FRMD4B: variants seen among roughly 807,000 people sequenced by gnomAD.
FRMD4B encodes FERM domain-containing protein 4B.
FRMD4B carries 74 observed loss-of-function variants against 141.5 expected under a neutral mutation model. That is an observed-to-expected ratio of 0.52 (90% CI 0.43 to 0.63). The LOEUF is 0.63. Ranked by LOEUF, FRMD4B falls within the 30% of genes least tolerant of loss-of-function variation. The pLI is 0.00. For synonymous variants in FRMD4B, 506 were observed against 467.9 expected, an observed-to-expected ratio of 1.08 and a Z score of -1.05; for missense variants, 1,366 against 1,253.4, an observed-to-expected ratio of 1.09 and a Z score of -1.36.
At chr3:69,403,925 G>GTCTC (rs1704609493) in intron 2 of FRMD4B, among the ~76,000 whole-genome samples, 1 of 151,046 alleles carries the variant, frequency 6.6e-6, no homozygotes, top group African/African-American at 2.5e-5. Flanking sequence ...TAGAGACAGG[G>GTCTC]TCTCTCTTGT....
chr3:69,173,953 A>G (rs1490949063), intron 22 of FRMD4B, among the ~76,000 whole-genome samples: 4 of 152,204 alleles, frequency 2.6e-5, no homozygotes, highest in Non-Finnish European at 5.9e-5. Flanking sequence ...CCTGGCCAAC[A>G]TGGCAAAACC....
intron 1 of FRMD4B, among the ~76,000 whole-genome samples, chr3:69,338,517 A>C (rs1481945696): frequency 6.6e-6 from 1 of 152,168 alleles, no homozygotes; most frequent in African/African-American, 2.4e-5. Flanking sequence ...AAAAAGTGAG[A>C]AAATGTCCTT....
At chr3:69,375,711 C>A (rs1329756472) in intron 1 of FRMD4B, among the ~76,000 whole-genome samples, 2 of 152,160 alleles carry the variant, frequency 1.3e-5, no homozygotes, top group African/African-American at 4.8e-5. Context: ...GTGTTAGAGT[C>A]AGCTAGCATG....
intron 5 of FRMD4B, among the ~76,000 whole-genome samples, chr3:69,274,058 G>C (rs900157572): frequency 1.3e-5 from 2 of 152,148 alleles, no homozygotes; most frequent in Non-Finnish European, 2.9e-5. Flanking sequence ...AAGGCATGGA[G>C]GCTTGAGAAA....
At chr3:69,439,226 A>G (rs1705307229) in intron 1 of FRMD4B, among the ~76,000 whole-genome samples, 1 of 152,218 alleles carries the variant, frequency 6.6e-6, no homozygotes, top group Non-Finnish European at 1.5e-5. Context: ...TGACTGAATT[A>G]CAGTTTAATT....
intron 7 of FRMD4B, among the ~76,000 whole-genome samples, chr3:69,237,502 A>T (rs1676276272): frequency 6.6e-6 from 1 of 152,212 alleles, no homozygotes. Context: ...TTGTTGGCCC[A>T]TCCTTCATCC....
chr3:69,525,645 TA>T (rs748929518), intron 1 of FRMD4B, among the ~76,000 whole-genome samples: 1 of 152,110 alleles, frequency 6.6e-6, no homozygotes, highest in Non-Finnish European at 1.5e-5. Flanking sequence ...ATATTGTCTC[TA>T]ATCTTTTTTT....
intron 7 of FRMD4B, among the ~76,000 whole-genome samples, chr3:69,242,667 T>G (rs2093394455): frequency 6.7e-6 from 1 of 150,240 alleles, no homozygotes; most frequent in Non-Finnish European, 1.5e-5. Flanking sequence ...CATAGTTACT[T>G]GGTAATTTTC....
intron 4 of FRMD4B, among the ~76,000 whole-genome samples, chr3:69,288,055 A>G (rs1366626225): frequency 6.6e-6 from 1 of 152,256 alleles, no homozygotes; most frequent in East Asian, 1.9e-4. Flanking sequence ...TGTGTCTTGG[A>G]AGGTGAGTTA....
chr3:69,324,654 G>GA (rs1206605353), intron 1 of FRMD4B, among the ~76,000 whole-genome samples: 1 of 151,958 alleles, frequency 6.6e-6, no homozygotes, highest in Non-Finnish European at 1.5e-5. Flanking sequence ...GAGGTGAGGA[G>GA]AAAAAAAGAA....
intron 11 of FRMD4B, among the ~76,000 whole-genome samples, chr3:69,204,555 T>G (rs2093003592): frequency 6.6e-6 from 1 of 152,210 alleles, no homozygotes; most frequent in Admixed American, 6.6e-5. Context: ...ATTGATTTAT[T>G]CTTTTTTCAT....
chr3:69,181,654 G>A lies in FRMD4B; in HGVS notation c.2096C>T (p.Ser699Phe). The A allele has an allele frequency of 6.2e-7, 1 of 1,613,540 alleles. No individual in the cohort carries two copies. ...RQRSGSLESQ[S>F]HLLSEMDSDK... ...GCTGTCCATCTCGGAGAGCAGGTGG[G>A]ACTGGGACTCCAGGCTTCCACTCCG... The change falls in exon 21 of 23, where the codon TCC (serine) becomes TTC (phenylalanine). Residue 699 changes from serine to phenylalanine, a missense_variant. Coordinates refer to ENST00000398540, the MANE Select transcript of FRMD4B (RefSeq NM_015123.3).
At chr3:69,521,796 C>T (rs747998498) in intron 1 of FRMD4B, among the ~76,000 whole-genome samples, 5 of 152,180 alleles carry the variant, frequency 3.3e-5, no homozygotes, top group African/African-American at 2.4e-5. Flanking sequence ...ATTCCCATGG[C>T]GGGGTCTTTC....
intron 1 of FRMD4B, among the ~76,000 whole-genome samples, chr3:69,490,461 C>A (rs1706283664): frequency 6.6e-6 from 1 of 152,186 alleles, no homozygotes; most frequent in East Asian, 1.9e-4. Context: ...ACATGCCAGG[C>A]TTGTTCCTAT....
At chr3:69,511,335 C>T (rs1706683140) in intron 1 of FRMD4B, among the ~76,000 whole-genome samples, 1 of 151,848 alleles carries the variant, frequency 6.6e-6, no homozygotes, top group Admixed American at 6.6e-5. Context: ...TTCAGGTTGC[C>T]TTTGTTTAAA....
intron 5 of FRMD4B, among the ~76,000 whole-genome samples, chr3:69,284,724 T>A (rs1163911333): frequency 2.0e-5 from 3 of 151,690 alleles, no homozygotes; most frequent in African/African-American, 4.9e-5. Flanking sequence ...CAAAAATCAA[T>A]CAAAAATACC....
chr3:69,263,731 G>A (rs1051222441), intron 5 of FRMD4B, among the ~76,000 whole-genome samples: 2 of 144,758 alleles, frequency 1.4e-5, no homozygotes, highest in African/African-American at 5.1e-5. Context: ...TTTTTAATAT[G>A]TATATTATTC....
At chr3:69,455,420 G>A (rs1705581930) in intron 1 of FRMD4B, among the ~76,000 whole-genome samples, 1 of 152,238 alleles carries the variant, frequency 6.6e-6, no homozygotes, top group Admixed American at 6.5e-5. Flanking sequence ...TCTGAGAACA[G>A]TGAGACCACG....
At chr3:69,482,769 C>T (rs557660370) in intron 1 of FRMD4B, among the ~76,000 whole-genome samples, 2 of 152,318 alleles carry the variant, frequency 1.3e-5, no homozygotes, top group East Asian at 3.9e-4. Flanking sequence ...CCTGAAATGA[C>T]CTCGGGTGAC....
Sources: gnomAD v4.1 joint callset for allele counts (sites outside exome capture counted in the v4.1 genomes callset) on GRCh38, gnomAD v4.1.1 for gene constraint, MANE v1.5 for transcripts, NCBI Gene and HGNC (gene_info 2026-07-23, HGNC 2026-07-21) for gene names.